ODAD3: variants seen among roughly 807,000 people sequenced by gnomAD.
ODAD3 encodes the protein outer dynein arm-docking complex subunit 3.
A neutral mutation model predicts 70.9 loss-of-function variants in ODAD3; 57 were observed. The observed-to-expected ratio is 0.80, with a 90% confidence interval of 0.65 to 1.00. ODAD3 has a LOEUF of 1.00. Ranked by LOEUF, ODAD3 falls within the 50% of genes least tolerant of loss-of-function variation. The pLI is 0.00. For synonymous variants in ODAD3, 327 were observed against 315.9 expected (o/e 1.04, Z -0.37); for missense variants, 797 against 763.9 (o/e 1.04, Z -0.51).
intron 7 of ODAD3, among the ~76,000 whole-genome samples, chr19:11,425,088 C>G (rs796953129): frequency 8.2e-6 from 1 of 121,818 alleles, no homozygotes; most frequent in Non-Finnish European, 1.6e-5. Context: ...TGTATATGTA[C>G]ATATGTGTAT....
Position 11,427,035 on chromosome 19 carries a change from C to G in ODAD3, c.450G>C (p.Leu150=). ...CCCTCAGCCGGTGGTCTAGGTGCTC[C>G]AGGGCCTGCCGCAAGGAGGGGAGCG... The part of the protein sequence containing the change: ...PYLKNRTGQA[L]EHLDHRLREK... The change falls in exon 4 of 13, where the codon CTG becomes CTC. Residue 150 remains leucine (L), a synonymous_variant. Coordinates refer to ENST00000356392, the MANE Select transcript of ODAD3 (RefSeq NM_145045.5). 1 of 1,581,026 alleles carries G rather than the reference C, an allele frequency of 6.3e-7. No individual in the cohort carries two copies.
Position 11,425,026 on chromosome 19 carries a change from T to C in ODAD3, c.964-997A>G, listed in dbSNP as rs971180030. On this transcript the variant is annotated intron_variant, in intron 7 of 12. Coordinates refer to ENST00000356392, the MANE Select transcript of ODAD3 (RefSeq NM_145045.5). ...ATGTATATATGTGTATATATACATA[T>C]GTGCATATATACATATGTGTATATA... is the stretch of plus-strand genomic sequence containing the variant. 2.2e-5 allele frequency among the ~76,000 whole-genome samples: 3 copies of C among 135,298 alleles called. No individual in the cohort carries two copies. In the East Asian group the frequency reaches 6.6e-4, roughly 30 times the overall value. The allele number at this position is 135,298 out of a possible 152,430, so 88.8% of individuals were successfully genotyped here.
intron 7 of ODAD3, among the ~76,000 whole-genome samples, chr19:11,425,286 CATATGTGTAT>C (rs1186423452): frequency 9.4e-6 from 1 of 106,852 alleles, no homozygotes; most frequent in Non-Finnish European, 1.9e-5. Context: ...TGTATATGTA[CATATGTGTAT>C]ATATGTGTAT....
At chr19:11,435,388 G>T, upstream of ODAD3, 1 of 422,192 alleles carries the variant, frequency 2.4e-6, no homozygotes, top group Non-Finnish European at 4.2e-6. Context: ...GGGGTTCGCG[G>T]GCATTTTTCA....
At chr19:11,426,098 C>A in intron 7 of ODAD3, 46 bp downstream of exon 7, 1 of 1,585,852 alleles carries the variant, frequency 6.3e-7, no homozygotes. Flanking sequence ...CTGGTTTGTG[C>A]TGGGCTGGGC....
chr19:11,425,266 T>A (rs1298378004), intron 7 of ODAD3, among the ~76,000 whole-genome samples: 1 of 142,980 alleles, frequency 7.0e-6, no homozygotes, highest in East Asian at 2.1e-4. Flanking sequence ...TGTACATATG[T>A]GTATATGTGT....
intron 7 of ODAD3, among the ~76,000 whole-genome samples, chr19:11,425,579 A>G (rs1403383834): frequency 2.1e-5 from 3 of 144,066 alleles, no homozygotes; most frequent in Admixed American, 7.0e-5. Flanking sequence ...ATGTATGTAT[A>G]TATGTATGTA....
intron 3 of ODAD3, among the ~76,000 whole-genome samples, chr19:11,430,036 T>C (rs1969471121): frequency 6.6e-6 from 1 of 152,178 alleles, no homozygotes; most frequent in African/African-American, 2.4e-5. Context: ...AGTCTCACTC[T>C]GTCTCCCAGG....
At chr19:11,435,637 T>C (rs1969676419), upstream of ODAD3, 1 of 1,254,472 alleles carries the variant, frequency 8.0e-7, no homozygotes, top group Non-Finnish European at 1.0e-6. Context: ...TCCGCTTTCT[T>C]TCTGCAGCAG....
chr19:11,422,541 G>A lies in ODAD3; in HGVS notation c.1364C>T (p.Ala455Val). ...CTTGGCCACTTGCATCGCCCGCAAG[G>A]CGCGCTCCAGCTGGTCCTTGGCCTC... Reference protein sequence around the residue: ...HAEAKDQLERALRAMQVAKDS... With the variant: ...HAEAKDQLERVLRAMQVAKDS... The change falls in exon 10 of 13, where the codon GCC becomes GTC. Residue 455 changes from alanine (A) to valine (V), a missense_variant. By Grantham distance (64) the Ala-to-Val change is moderately conservative (BLOSUM62 0). Transcript: ENST00000356392. The surrounding 1 kb of genome is among the most constrained non-coding windows in gnomAD (Gnocchi z 4.6). The A allele has an allele frequency of 6.3e-7, 1 of 1,591,038 alleles. No individual in the cohort carries two copies. The highest frequency in any genetic ancestry group is 8.5e-7 in the Non-Finnish European group (1 of 1,170,578).
chr19:11,423,616 A>G (rs1969192609), intron 8 of ODAD3, among the ~76,000 whole-genome samples: 1 of 151,716 alleles, frequency 6.6e-6, no homozygotes, highest in African/African-American at 2.4e-5. Flanking sequence ...GCATGGTGCA[A>G]GAGAGAACGG....
At position 11,421,945 on chromosome 19, in the gene ODAD3, T is replaced by A; in HGVS notation, c.1435-113A>T. On this transcript the variant is annotated intron_variant, in intron 10 of 12. Transcript: ENST00000356392. ...GGGGCCTAGGAGGTAAGGGCCCACC[T>A]GCAGGGTCGATCCTAGCCATTGGGG... 6.6e-6 allele frequency: 8 copies of A among 1,208,718 alleles called. No individual in the cohort carries two copies. In the South Asian group the frequency reaches 1.2e-4, roughly 18 times the overall value. 74.9% of individuals were successfully genotyped at this position (1,208,718 alleles called of 1,614,324 possible). A position where few individuals can be genotyped will look rare whatever the true frequency, so the allele number is the denominator to read the frequency against.
Position 11,421,220 on chromosome 19 carries a change from G to A in ODAD3, c.1591-8C>T. 6.2e-7 allele frequency: 1 copy of A among 1,610,892 alleles called. No individual in the cohort carries two copies. The highest frequency in any genetic ancestry group is 8.5e-7 in the Non-Finnish European group (1 of 1,178,730). On this transcript the variant is annotated splice_region_variant and splice_polypyrimidine_tract_variant and intron_variant, in intron 11 of 12. Coordinates refer to ENST00000356392, the MANE Select transcript of ODAD3 (RefSeq NM_145045.5). ...CTCTAAGCTGGCGAGGAACTAAGCG[G>A]GGATGGGAAGCGAGAGAGGAAGGTG...
rs908733426 is a variant in ODAD3 at position 11,426,062 on chromosome 19, T to C, written c.963+82A>G. 4.6e-6 allele frequency: 7 copies of C among 1,524,934 alleles called. No homozygotes were observed. In the African/African-American group the frequency reaches 6.9e-5, roughly 15 times the overall value. 94.5% of individuals were successfully genotyped at this position (1,524,934 alleles called of 1,614,324 possible). A position where few individuals can be genotyped will look rare whatever the true frequency, so the allele number is the denominator to read the frequency against. Reference sequence around the variant, plus strand: ...GAGAAACAGAAAATGGGAGAAGGCCTAGGATGAGGGAGAGCCAGGGCATGG... The same window carrying C: ...GAGAAACAGAAAATGGGAGAAGGCCCAGGATGAGGGAGAGCCAGGGCATGG... On this transcript the variant is annotated intron_variant, in intron 7 of 12. Coordinates refer to ENST00000356392, the MANE Select transcript of ODAD3 (RefSeq NM_145045.5).
chr19:11,435,472 C>T (rs1969662065), upstream of ODAD3: 2 of 369,560 alleles, frequency 5.4e-6, no homozygotes, highest in Non-Finnish European at 1.0e-5. Context: ...AAGAGCTAGC[C>T]CTCAGAACTA....
Position 11,426,782 on chromosome 19 carries a change from G to A in ODAD3, c.615C>T (p.Thr205=), listed in dbSNP as rs751428071. The part of the protein sequence containing the change: ...AQNRHTEVAK[T]MRNLENRLEK... ...CCAGGCGGTTCTCCAGGTTCCGCAT[G>A]GTCTGGAGAGCAGCAGGGCTGGGCT... Residue 205 remains threonine, a splice_region_variant and synonymous_variant, in exon 5 of 13, where the codon ACC becomes ACT. Transcript: ENST00000356392. The A allele has an allele frequency of 1.2e-6, 2 of 1,613,792 alleles. No homozygotes were observed. The highest frequency in any genetic ancestry group is 2.7e-5 in the African/African-American group (2 of 74,900).
intron 11 of ODAD3, 22 bp downstream of exon 11, chr19:11,421,655 C>G (rs753638961): frequency 1.0e-5 from 16 of 1,606,036 alleles, no homozygotes; most frequent in Non-Finnish European, 1.2e-5. Context: ...CTCTGGAGCT[C>G]TGCCCCATGG....
chr19:11,424,543 ATATATACCTATG>A (rs1969222220), intron 7 of ODAD3, among the ~76,000 whole-genome samples: 1 of 133,082 alleles, frequency 7.5e-6, no homozygotes, highest in Non-Finnish European at 1.6e-5. Context: ...ATATATGTGT[ATATATACCTATG>A]TGTATATATG....
chr19:11,422,501 G>T lies in ODAD3; in HGVS notation c.1404C>A (p.His468Gln), dbSNP rs770711330. 4 of 1,594,024 alleles carry T rather than the reference G, an allele frequency of 2.5e-6. No homozygotes were observed. In the African/African-American group the frequency reaches 4.0e-5, roughly 16 times the overall value. ...AMQVAKDSLE[H>Q]LASKLIHITV... is the part of the protein sequence containing the mutation. ...TGATGTGGATCAGCTTGCTGGCCAG[G>T]TGCTCCAGGCTGTCCTTGGCCACTT... Residue 468 changes from histidine (H) to glutamine (Q), a missense_variant, in exon 10 of 13, where the codon CAC becomes CAA. By Grantham distance (24) the His-to-Gln change is conservative. Coordinates refer to ENST00000356392, the MANE Select transcript of ODAD3 (RefSeq NM_145045.5). The surrounding 1 kb of genome is among the most constrained non-coding windows in gnomAD (Gnocchi z 4.6).
Sources: allele counts gnomAD v4.1 joint callset (sites outside exome capture counted in the v4.1 genomes callset), GRCh38; gene constraint gnomAD v4.1.1; non-coding constraint Gnocchi (gnomAD v3.1); transcripts MANE v1.5; gene names NCBI Gene and HGNC (gene_info 2026-07-23, HGNC 2026-07-21).